Variants in AGMO observed in about 807,000 individuals in gnomAD.
The protein encoded by AGMO is alkylglycerol monooxygenase.
A neutral mutation model predicts 60.2 loss-of-function variants in AGMO; 75 were observed. The observed-to-expected ratio is 1.25, with a 90% confidence interval of 1.03 to 1.51. The LOEUF (loss-of-function observed/expected upper bound fraction) is 1.51. Ranked by LOEUF, AGMO falls within the 40% of genes most tolerant of loss-of-function variation. The pLI is 0.00. For missense variants in AGMO, 763 were observed against 525.5 expected (o/e 1.45, Z -4.42); for synonymous variants, 261 against 177.1 (o/e 1.47, Z -3.76).
intron 3 of AGMO, among the ~76,000 whole-genome samples, chr7:15,436,717 A>G (rs1446413058): frequency 6.6e-6 from 1 of 151,740 alleles, no homozygotes; most frequent in Non-Finnish European, 1.5e-5. Context: ...CTCTTTCTCA[A>G]CAGTGACTTA....
rs565733755 is a variant in AGMO, at chr7:15,374,580, C to T, written c.1075-8358G>A. 2.7e-5 allele frequency among the ~76,000 whole-genome samples: 4 copies of T among 149,772 alleles called. No homozygotes were observed. In the South Asian group the frequency reaches 6.4e-4, roughly 24 times the overall value. On this transcript the variant is annotated intron_variant, in intron 10 of 12. Coordinates refer to ENST00000342526, the MANE Select transcript of AGMO (RefSeq NM_001004320.2). ...CTGATAAGATAGAGAACTTCACCCTCCTACCTGGAAAAACAAACAATAGCA... is the reference window on the plus strand; with the variant it reads ...CTGATAAGATAGAGAACTTCACCCTTCTACCTGGAAAAACAAACAATAGCA...
chr7:15,229,996 CA>C (rs1364687987), intron 12 of AGMO, among the ~76,000 whole-genome samples: 1 of 151,488 alleles, frequency 6.6e-6, no homozygotes, highest in Admixed American at 6.6e-5. Flanking sequence ...TTCATTGAAA[CA>C]AAATTAAAAT....
At chr7:15,460,106 C>CTT (rs67388173) in intron 3 of AGMO, among the ~76,000 whole-genome samples, 5,486 of 120,956 alleles carry the variant, frequency 0.045, 200 homozygotes, top group African/African-American at 0.077. Context: ...CCAATTTCCC[C>CTT]TTTTTTTTTT....
At chr7:15,519,264 C>A (rs1783911753) in intron 3 of AGMO, among the ~76,000 whole-genome samples, 1 of 151,626 alleles carries the variant, frequency 6.6e-6, no homozygotes, top group African/African-American at 2.4e-5. Context: ...CTTCCACAAC[C>A]CACCAAGACA....
At chr7:15,277,631 C>A (rs1783840820) in intron 12 of AGMO, among the ~76,000 whole-genome samples, 2 of 152,118 alleles carry the variant, frequency 1.3e-5, no homozygotes, top group Admixed American at 1.3e-4. Flanking sequence ...GCCCTGTGCA[C>A]TTCTGTCAGC....
Position 15,322,981 on chromosome 7 carries a change from A to ATATATAT in AGMO, c.1263+42532_1263+42533insATATATA, listed in dbSNP as rs1554413877. Among the ~76,000 whole-genome samples the ATATATAT allele has an allele frequency of 6.1e-5, 9 of 146,376 alleles. 1 individual carries two copies. Among genetic ancestry groups the ATATATAT allele is most frequent in the Admixed American group, 2.1e-4 (3 of 14,330 alleles). On this transcript the variant is annotated intron_variant, in intron 12 of 12. Coordinates refer to ENST00000342526, the MANE Select transcript of AGMO (RefSeq NM_001004320.2). ...AACACGTGTGTGTATATATATATGT[A>ATATATAT]TTTATTTTTTATTTTTTCCTGTATC...
chr7:15,419,639 G>C (rs758011922), intron 4 of AGMO, among the ~76,000 whole-genome samples: 1 of 151,430 alleles, frequency 6.6e-6, no homozygotes, highest in African/African-American at 2.4e-5. Flanking sequence ...TTTGAAACTT[G>C]TCATAAAAAT....
chr7:15,339,999 G>A (rs981085479), intron 12 of AGMO, among the ~76,000 whole-genome samples: 2 of 152,132 alleles, frequency 1.3e-5, no homozygotes, highest in Admixed American at 1.3e-4. Context: ...AAGGAGCATA[G>A]CACAGATACA....
intron 3 of AGMO, among the ~76,000 whole-genome samples, chr7:15,474,301 T>C (rs772080779): frequency 2.0e-5 from 3 of 152,234 alleles, no homozygotes; most frequent in African/African-American, 4.8e-5. Flanking sequence ...CTTCAAACTA[T>C]ACTACAAGCC....
intron 10 of AGMO, among the ~76,000 whole-genome samples, chr7:15,381,478 A>G (rs1783682866): frequency 6.6e-6 from 1 of 152,176 alleles, no homozygotes; most frequent in Non-Finnish European, 1.5e-5. Context: ...ACAATGGTGT[A>G]CCATCTCCCA....
At chr7:15,392,825 A>C (rs1784205962) in intron 6 of AGMO, among the ~76,000 whole-genome samples, 1 of 148,962 alleles carries the variant, frequency 6.7e-6, no homozygotes, top group Non-Finnish European at 1.5e-5. Flanking sequence ...CAAACAAACA[A>C]ACAAACAACT....
At chr7:15,482,621 G>C (rs1782789839) in intron 3 of AGMO, among the ~76,000 whole-genome samples, 1 of 151,932 alleles carries the variant, frequency 6.6e-6, no homozygotes, top group Non-Finnish European at 1.5e-5. Context: ...GAAAAAGTAG[G>C]GACACTTGTC....
chr7:15,522,292 T>G (rs1156736516), intron 3 of AGMO, among the ~76,000 whole-genome samples: 1 of 152,146 alleles, frequency 6.6e-6, no homozygotes, highest in Non-Finnish European at 1.5e-5. Flanking sequence ...ATTTATAGAT[T>G]CAATGCTATC....
intron 12 of AGMO, among the ~76,000 whole-genome samples, chr7:15,233,586 T>C (rs1006006519): frequency 6.6e-6 from 1 of 151,914 alleles, no homozygotes; most frequent in Admixed American, 6.6e-5. Context: ...ATGGAAAAGT[T>C]TCGGAAATAG....
intron 12 of AGMO, among the ~76,000 whole-genome samples, chr7:15,273,683 A>T (rs1213126251): frequency 6.6e-6 from 1 of 152,072 alleles, no homozygotes; most frequent in African/African-American, 2.4e-5. Context: ...GTTGATGGGG[A>T]TGGCATTGAA....
At chr7:15,425,609 A>G (rs1309749604) in intron 4 of AGMO, among the ~76,000 whole-genome samples, 2 of 151,316 alleles carry the variant, frequency 1.3e-5, no homozygotes, top group Non-Finnish European at 2.9e-5. Context: ...CGACTAATTT[A>G]TTTTATTTTT....
intron 12 of AGMO, chr7:15,306,283 A>G (rs1381469852): frequency 4.0e-6 from 1 of 248,306 alleles, no homozygotes; most frequent in Admixed American, 5.4e-5. Flanking sequence ...ATAAATGGAA[A>G]GGGTTTTGAA....
At chr7:15,180,948 C>G in the AGMO span, among the ~76,000 whole-genome samples, 1 of 152,098 alleles carries the variant, frequency 6.6e-6, no homozygotes, top group East Asian at 1.9e-4. Flanking sequence ...GGCTCACAAG[C>G]AAGGGATACA....
the AGMO span, among the ~76,000 whole-genome samples, chr7:15,133,277 T>C: frequency 1.3e-5 from 2 of 152,184 alleles, no homozygotes; most frequent in Non-Finnish European, 2.9e-5. Context: ...CAGTAACTGT[T>C]CCTTTTGTGT....
Sources: gnomAD v4.1 joint callset for allele counts (sites outside exome capture counted in the v4.1 genomes callset) on GRCh38, gnomAD v4.1.1 for gene constraint, MANE v1.5 for transcripts, NCBI Gene and HGNC (gene_info 2026-07-23, HGNC 2026-07-21) for gene names.